The following ARHGEF26 variants were observed in gnomAD, a reference collection of about 807,000 sequenced individuals.
ARHGEF26 encodes Rho guanine nucleotide exchange factor (GEF) 26.
A neutral mutation model predicts 89.4 loss-of-function variants in ARHGEF26; 59 were observed. That is an observed-to-expected ratio of 0.66 (90% CI 0.54 to 0.82). The LOEUF is 0.82. Among genes scored for constraint, ARHGEF26 ranks in the 40% least tolerant of loss-of-function variants. The probability of loss-of-function intolerance (pLI) is 0.00; values close to 1 mark genes in which losing one functional copy is unlikely to be tolerated. For missense variants in ARHGEF26, 1,234 were observed against 1,085.6 expected (o/e 1.14, Z -1.92); for synonymous variants, 500 against 428.4 (o/e 1.17, Z -2.06).
At chr3:154,198,123 C>T (rs902753929) in intron 9 of ARHGEF26, among the ~76,000 whole-genome samples, 2 of 151,944 alleles carry the variant, frequency 1.3e-5, no homozygotes, top group African/African-American at 2.4e-5. Context: ...GGCCAACAAA[C>T]GTGAAAAAAT....
chr3:154,141,377 C>T (rs907824465), intron 4 of ARHGEF26, among the ~76,000 whole-genome samples: 1 of 152,116 alleles, frequency 6.6e-6, no homozygotes, highest in African/African-American at 2.4e-5. Context: ...GCTACTTTGC[C>T]CCCGCTTAAT....
At chr3:154,237,538 T>TCTCACA (rs1553751364) in intron 11 of ARHGEF26, among the ~76,000 whole-genome samples, 25 of 143,296 alleles carry the variant, frequency 1.7e-4, no homozygotes, top group Non-Finnish European at 3.0e-4. Flanking sequence ...TGAGACTCCG[T>TCTCACA]CACACACACA....
intron 11 of ARHGEF26, among the ~76,000 whole-genome samples, chr3:154,228,120 T>C (rs183944315): frequency 2.1e-3 from 316 of 149,526 alleles, no homozygotes; most frequent in Non-Finnish European, 3.8e-3. Context: ...AGCAATGCCA[T>C]TGGGAGTCTT....
intron 4 of ARHGEF26, among the ~76,000 whole-genome samples, chr3:154,131,849 A>G (rs1413846411): frequency 6.6e-6 from 1 of 152,244 alleles, no homozygotes; most frequent in South Asian, 2.1e-4. Flanking sequence ...ACAAATGTAT[A>G]TACAATTAAA....
At chr3:154,170,699 T>A (rs1320956210) in intron 6 of ARHGEF26, among the ~76,000 whole-genome samples, 1 of 152,236 alleles carries the variant, frequency 6.6e-6, no homozygotes, top group African/African-American at 2.4e-5. Flanking sequence ...AATCAGTCAG[T>A]CAGTCTATGG....
chr3:154,220,694 G>A (rs1268968729), intron 10 of ARHGEF26, among the ~76,000 whole-genome samples: 1 of 152,134 alleles, frequency 6.6e-6, no homozygotes, highest in African/African-American at 2.4e-5. Context: ...CCACCGAAAA[G>A]TTCTAAGCAG....
intron 4 of ARHGEF26, among the ~76,000 whole-genome samples, chr3:154,149,007 C>CTTT (rs1188434493): frequency 6.6e-6 from 1 of 152,082 alleles, no homozygotes; most frequent in East Asian, 1.9e-4. Flanking sequence ...ATAATATTGA[C>CTTT]TAAAAGCATG....
Position 154,195,777 on chromosome 3 carries a change from A to G in ARHGEF26, c.1845+1059A>G, listed in dbSNP as rs531717228. Among the ~76,000 whole-genome samples, 3 of 152,294 alleles carry G rather than the reference A, an allele frequency of 2.0e-5. No homozygotes were observed. In the East Asian group the frequency reaches 5.8e-4, roughly 29 times the overall value. ...CTGAACTGGAGACATGGATTTGGGAATCATCAGCATATGGACAATAGTTGA... is the reference window on the plus strand; with the variant it reads ...CTGAACTGGAGACATGGATTTGGGAGTCATCAGCATATGGACAATAGTTGA... On this transcript the variant is annotated intron_variant, in intron 9 of 14. Coordinates refer to ENST00000465093, the MANE Select transcript of ARHGEF26 (RefSeq NM_015595.4).
At chr3:154,228,736 G>A (rs1430583710) in intron 11 of ARHGEF26, among the ~76,000 whole-genome samples, 1 of 24,540 alleles carries the variant, frequency 4.1e-5, no homozygotes, top group Non-Finnish European at 6.1e-5. Context: ...TAGCTTCAAG[G>A]AGGCGAACTG....
intron 6 of ARHGEF26, among the ~76,000 whole-genome samples, chr3:154,180,432 C>T (rs1164908542): frequency 3.3e-5 from 5 of 151,424 alleles, no homozygotes; most frequent in African/African-American, 7.3e-5. Flanking sequence ...ACAATGATTA[C>T]GCTAAGGCCA....
rs1282209624 is a variant in ARHGEF26 at position 154,255,827 on chromosome 3, G to C, written c.*354G>C. On this transcript the variant is annotated 3_prime_UTR_variant, in exon 15 of 15. Coordinates refer to ENST00000465093, the MANE Select transcript of ARHGEF26 (RefSeq NM_015595.4). ...GTTTTCTCTATCCTTGCATTACTAA[G>C]GTGACTGTCTCTCTTTATACATCCT... 1 of 1,038,996 alleles carries C rather than the reference G, an allele frequency of 9.6e-7. No homozygotes were observed. Among genetic ancestry groups the C allele is most frequent in the African/African-American group, 1.7e-5 (1 of 59,182 alleles). The allele number at this position is 1,038,996 out of a possible 1,614,324, so 64.4% of individuals were successfully genotyped here.
At chr3:154,225,723 T>C (rs1716442826) in intron 10 of ARHGEF26, 133 bp from the exon 11 acceptor site, 3 of 911,640 alleles carry the variant, frequency 3.3e-6, no homozygotes, top group Non-Finnish European at 4.7e-6. Context: ...AGTTCAGTTT[T>C]ATATGCCTAT....
chr3:154,252,966 C>A, intron 12 of ARHGEF26, 150 bp from the exon 13 acceptor site: 1 of 737,438 alleles, frequency 1.4e-6, no homozygotes. Context: ...TCCAGCTTAT[C>A]ACTTTTAAAC....
intron 14 of ARHGEF26, 110 bp from the exon 15 acceptor site, chr3:154,255,221 C>G: frequency 8.7e-7 from 1 of 1,146,372 alleles, no homozygotes; most frequent in Non-Finnish European, 1.3e-6. Flanking sequence ...CTCTTCTCAC[C>G]GTAGCACTTA....
chr3:154,211,316 G>A (rs1240666703), intron 9 of ARHGEF26, among the ~76,000 whole-genome samples: 1 of 152,152 alleles, frequency 6.6e-6, no homozygotes, highest in African/African-American at 2.4e-5. Flanking sequence ...CTCAAGTTCA[G>A]ACTGCTGGGA....
intron 11 of ARHGEF26, among the ~76,000 whole-genome samples, chr3:154,235,999 CT>C (rs1413309784): frequency 6.6e-6 from 1 of 152,004 alleles, no homozygotes; most frequent in Non-Finnish European, 1.5e-5. Flanking sequence ...AAATTCTAAC[CT>C]TTATAGAAAT....
chr3:154,134,623 G>C (rs1012442570), intron 4 of ARHGEF26, among the ~76,000 whole-genome samples: 2 of 152,160 alleles, frequency 1.3e-5, no homozygotes, highest in Non-Finnish European at 2.9e-5. Flanking sequence ...TTGAATAGGA[G>C]TGGTGAGAGA....
At chr3:154,157,787 G>A (rs866221472) in intron 6 of ARHGEF26, among the ~76,000 whole-genome samples, 1 of 152,062 alleles carries the variant, frequency 6.6e-6, no homozygotes, top group Non-Finnish European at 1.5e-5. Flanking sequence ...CTTAGGGAGG[G>A]AGACAAGGAA....
chr3:154,159,106 A>T (rs1711521186), intron 6 of ARHGEF26, among the ~76,000 whole-genome samples: 1 of 152,148 alleles, frequency 6.6e-6, no homozygotes, highest in African/African-American at 2.4e-5. Flanking sequence ...TGAAAATTAG[A>T]TGAGTCTTTG....
Sources: allele counts gnomAD v4.1 joint callset (sites outside exome capture counted in the v4.1 genomes callset), GRCh38; gene constraint gnomAD v4.1.1; transcripts MANE v1.5; gene names NCBI Gene and HGNC (gene_info 2026-07-23, HGNC 2026-07-21).